TRRAP: variants seen among roughly 807,000 people sequenced by gnomAD.
The protein encoded by TRRAP is transformation/transcription domain associated protein.
Under a neutral mutation model 438.8 loss-of-function variants are expected in TRRAP, and 41 were observed. The ratio of observed to expected loss-of-function variants is 0.09; its 90% CI spans 0.07 to 0.12. The LOEUF is 0.12. TRRAP is among the 10% of genes least tolerant of loss of function. The pLI is 1.00. For missense variants in TRRAP, 3,122 were observed against 5,055.1 expected (o/e 0.62, Z 11.60); for synonymous variants, 1,994 against 1,962.9 (o/e 1.02, Z -0.42).
intron 27 of TRRAP, 126 bp downstream of exon 27, chr7:98,933,528 A>T: frequency 7.6e-7 from 1 of 1,323,444 alleles, no homozygotes; most frequent in Non-Finnish European, 1.0e-6. Context: ...CAGGTAACCC[A>T]CTGACACCTG....
chr7:98,933,421 G>A lies in TRRAP; in HGVS notation c.4014+19G>A, dbSNP rs370977105. The A allele has an allele frequency of 1.7e-4, 274 of 1,607,956 alleles. No homozygotes were observed. The highest frequency in any genetic ancestry group is 2.2e-4 in the Non-Finnish European group (258 of 1,177,796). ...CACAGAGGTAGGGGGGTGGTGGTGC[G>A]GAGTGGTGTGGATGGTGATGACGTG... On this transcript the variant is annotated intron_variant, in intron 27 of 72. Transcript: ENST00000456197.
intron 66 of TRRAP, among the ~76,000 whole-genome samples, chr7:98,993,967 G>C (rs1417896371): frequency 3.9e-5 from 6 of 152,242 alleles, no homozygotes; most frequent in Non-Finnish European, 8.8e-5. Context: ...ACTTCTTGCT[G>C]TTAAAATGCT....
chr7:98,972,284 C>G (rs1321030101), intron 53 of TRRAP, among the ~76,000 whole-genome samples: 1 of 152,158 alleles, frequency 6.6e-6, no homozygotes, highest in Admixed American at 6.5e-5. Context: ...CTCAAGTGAT[C>G]CACCCACCTT....
At chr7:98,937,369 A>G (rs1016715796) in intron 29 of TRRAP, 92 bp downstream of exon 29, 36 of 1,509,348 alleles carry the variant, frequency 2.4e-5, no homozygotes, top group Admixed American at 9.3e-5. Flanking sequence ...TTATTGCTAT[A>G]TAAACAGTGT....
chr7:98,959,444 A>C lies in TRRAP; in HGVS notation c.6443A>C (p.Lys2148Thr). ...KTALRPDMWP[K>T]SELKLQWFDK... ...GCGTTGCGGCCAGACATGTGGCCCA[A>C]GTCCGAACTCAAGCTGCAGTGGTTC... The change falls in exon 45 of 73, where the codon AAG becomes ACG. Residue 2148 changes from lysine to threonine, a missense_variant. Physicochemically the swap from Lys to Thr is moderately conservative, Grantham distance 78 (BLOSUM62 -1). Coordinates refer to ENST00000456197, the MANE Select transcript of TRRAP (RefSeq NM_001375524.1). 6.2e-7 allele frequency: 1 copy of C among 1,613,962 alleles called. No individual in the cohort carries two copies. Among genetic ancestry groups the C allele is most frequent in the Non-Finnish European group, 8.5e-7 (1 of 1,180,010 alleles).
In TRRAP at chr7:98,949,587, G is replaced by A. The variant is rs782039358; in HGVS notation, c.4953+6G>A. 1.8e-5 allele frequency: 28 copies of A among 1,584,180 alleles called. No homozygotes were observed. The highest frequency in any genetic ancestry group is 9.5e-5 in the African/African-American group (7 of 73,828). On this transcript the variant is annotated splice_donor_region_variant and intron_variant, in intron 36 of 72. Coordinates refer to ENST00000456197, the MANE Select transcript of TRRAP (RefSeq NM_001375524.1). ...TCCAGTTCCAGGCCATCAAGGTAGC[G>A]CCCCTTCCTCCAGCCCCCAATGCCC... is the stretch of plus-strand genomic sequence containing the variant.
At chr7:98,933,452 G>C (rs1316510800) in intron 27 of TRRAP, 50 bp downstream of exon 27, 1 of 1,569,486 alleles carries the variant, frequency 6.4e-7, no homozygotes, top group South Asian at 1.2e-5. Flanking sequence ...ACGTGTGTCT[G>C]CTAGCCTGTC....
At chr7:98,894,783 G>GTTGT (rs1796125770) in intron 6 of TRRAP, among the ~76,000 whole-genome samples, 1 of 87,418 alleles carries the variant, frequency 1.1e-5, no homozygotes, top group African/African-American at 4.7e-5. Flanking sequence ...CCAGCTAATG[G>GTTGT]TTTTTTTTTT....
intron 58 of TRRAP, among the ~76,000 whole-genome samples, chr7:98,980,791 C>T (rs1366103324): frequency 6.6e-6 from 1 of 152,250 alleles, no homozygotes; most frequent in African/African-American, 2.4e-5. Flanking sequence ...TGGTGGCTCA[C>T]GCCTGTGATC....
chr7:98,980,940 G>A (rs1038236012), intron 58 of TRRAP, among the ~76,000 whole-genome samples: 4 of 152,124 alleles, frequency 2.6e-5, no homozygotes, highest in African/African-American at 9.7e-5. Context: ...TGTAGTTCCA[G>A]CTGCTTGGGA....
rs745396230 is a variant in TRRAP, at chr7:98,988,985, G to A, written c.9591+19G>A. The A allele has an allele frequency of 3.1e-6, 5 of 1,605,496 alleles. No homozygotes were observed. In the East Asian group the frequency reaches 8.9e-5, roughly 29 times the overall value. ...AGCCAAGGTGAGACCGAAAAAACGA[G>A]CTTTGACCAGAGGCCATCTGTCACC... On this transcript the variant is annotated intron_variant, in intron 63 of 72. Coordinates refer to ENST00000456197, the MANE Select transcript of TRRAP (RefSeq NM_001375524.1).
In TRRAP at chr7:98,978,889, G is replaced by C; in HGVS notation, c.8619G>C (p.Lys2873Asn). The C allele has an allele frequency of 6.2e-7, 1 of 1,614,082 alleles. No individual in the cohort carries two copies. The highest frequency in any genetic ancestry group is 8.5e-7 in the Non-Finnish European group (1 of 1,180,036). The change falls in exon 58 of 73, where the codon AAG becomes AAC. Residue 2873 changes from lysine to asparagine, a missense_variant. Coordinates refer to ENST00000456197, the MANE Select transcript of TRRAP (RefSeq NM_001375524.1). ...AWRVSNWTAM[K>N]EALVQVEVSC... ...GGGTGTCCAACTGGACTGCCATGAA[G>C]GAGGCGCTGGTGCAGGTGAGACGCC...
intron 3 of TRRAP, 113 bp from the exon 4 acceptor site, chr7:98,890,222 A>C (rs1795904945): frequency 1.9e-6 from 1 of 527,054 alleles, no homozygotes; most frequent in South Asian, 8.3e-5. Flanking sequence ...AGTAGCACAA[A>C]TTTGCTTTTG....
chr7:98,921,984 A>G (rs367774437), intron 21 of TRRAP, 31 bp downstream of exon 21: 53 of 1,613,512 alleles, frequency 3.3e-5, no homozygotes, highest in Non-Finnish European at 3.8e-5. Context: ...GTTTCGTTTT[A>G]AGCCTTGTGA....
intron 67 of TRRAP, among the ~76,000 whole-genome samples, chr7:98,997,689 G>T (rs993409537): frequency 6.6e-6 from 1 of 152,104 alleles, no homozygotes; most frequent in Admixed American, 6.5e-5. Context: ...ATAAAATCAT[G>T]TGTTGCTGGA....
intron 3 of TRRAP, 68 bp from the exon 4 acceptor site, chr7:98,890,264 TATA>T: frequency 9.9e-7 from 1 of 1,009,956 alleles, no homozygotes; most frequent in Non-Finnish European, 1.4e-6. Flanking sequence ...TTGCAGTTAT[TATA>T]ATGTGTAAAT....
intron 45 of TRRAP, 53 bp downstream of exon 45, chr7:98,959,543 A>T (rs997386125): frequency 6.3e-7 from 1 of 1,583,136 alleles, no homozygotes; most frequent in Non-Finnish European, 8.6e-7. Flanking sequence ...CCACTAGCAG[A>T]TACTGTCACC....
Position 98,899,385 on chromosome 7 carries a change from A to G in TRRAP, c.634-37A>G, listed in dbSNP as rs186772082. The G allele has an allele frequency of 4.1e-5, 66 of 1,603,134 alleles. 1 individual carries two copies. In the East Asian group the frequency reaches 1.3e-3, roughly 33 times the overall value. On this transcript the variant is annotated intron_variant, in intron 8 of 72. Transcript: ENST00000456197. ...TGGTGGGGGCTATTTTAAATGCCAC[A>G]ATGGTAACCCGGGTCCTACCCATTT... is the stretch of plus-strand genomic sequence containing the variant.
chr7:98,966,030 T>A, intron 49 of TRRAP, 135 bp downstream of exon 49: 1 of 1,046,158 alleles, frequency 9.6e-7, no homozygotes, highest in Non-Finnish European at 1.4e-6. Context: ...CTTTTCTTAA[T>A]TAAGATGGAT....
Sources: gnomAD v4.1 joint callset for allele counts (sites outside exome capture counted in the v4.1 genomes callset) on GRCh38, gnomAD v4.1.1 for gene constraint, MANE v1.5 for transcripts, NCBI Gene and HGNC (gene_info 2026-07-23, HGNC 2026-07-21) for gene names.